The following SLC30A8 variants were observed in gnomAD, a reference collection of about 807,000 sequenced individuals.
SLC30A8 encodes the protein solute carrier family 30 member 8.
In SLC30A8, 27 loss-of-function variants were observed where a neutral mutation model predicts 36.9. The observed-to-expected ratio is 0.73, with a 90% CI of 0.54 to 1.01. SLC30A8 has a LOEUF of 1.01. SLC30A8 is among the 50% of genes least tolerant of loss of function. The pLI is 0.00. For missense variants in SLC30A8, 439 were observed against 452.0 expected (o/e 0.97, Z 0.26); for synonymous variants, 164 against 172.4 (o/e 0.95, Z 0.38).
intron 2 of SLC30A8, among the ~76,000 whole-genome samples, chr8:117,106,016 AG>A (rs1819978503): frequency 6.6e-6 from 1 of 151,928 alleles, no homozygotes; most frequent in South Asian, 2.1e-4. Context: ...CTTTTTTTTC[AG>A]TTGCAGCTCT....
intron 4 of SLC30A8, 43 bp from the exon 5 acceptor site, chr8:117,161,695 A>C (rs753966326): frequency 1.3e-6 from 2 of 1,563,778 alleles, no homozygotes; most frequent in Non-Finnish European, 8.7e-7. Flanking sequence ...TACGTTTTTA[A>C]GACTGACCTC....
At chr8:116,984,794 T>C (rs1416080532) in intron 1 of SLC30A8, among the ~76,000 whole-genome samples, 1 of 152,122 alleles carries the variant, frequency 6.6e-6, no homozygotes, top group Non-Finnish European at 1.5e-5. Flanking sequence ...ATTTTCTCCA[T>C]GTCTGTAGCT....
intron 2 of SLC30A8, among the ~76,000 whole-genome samples, chr8:117,054,999 T>C (rs999338911): frequency 2.6e-5 from 4 of 152,210 alleles, no homozygotes; most frequent in African/African-American, 9.7e-5. Flanking sequence ...ATCTTGCAAC[T>C]CAGTAGCTGT....
At chr8:117,040,629 A>G (rs1358840944) in intron 2 of SLC30A8, among the ~76,000 whole-genome samples, 4 of 152,248 alleles carry the variant, frequency 2.6e-5, no homozygotes, top group African/African-American at 9.6e-5. Flanking sequence ...CCAAGTAAAT[A>G]CAGGATCAAA....
chr8:117,016,983 T>C (rs370479346), intron 1 of SLC30A8, among the ~76,000 whole-genome samples: 133 of 152,222 alleles, frequency 8.7e-4, no homozygotes, highest in African/African-American at 3.0e-3. Flanking sequence ...GTTTAAGGTA[T>C]AGTAAGGTGG....
chr8:117,136,917 C>G (rs969644935), intron 1 of SLC30A8, among the ~76,000 whole-genome samples: 20 of 151,948 alleles, frequency 1.3e-4, no homozygotes, highest in African/African-American at 4.3e-4. Flanking sequence ...ATTTTCTTGT[C>G]AAGGGAAATA....
At chr8:117,137,224 C>T (rs1248281108) in intron 1 of SLC30A8, among the ~76,000 whole-genome samples, 1 of 151,918 alleles carries the variant, frequency 6.6e-6, no homozygotes, top group African/African-American at 2.4e-5. Flanking sequence ...TCACTTCTTC[C>T]CCCACCTCTA....
At position 117,147,070 on chromosome 8, in the gene SLC30A8, G is replaced by A. The variant is rs150548337; in HGVS notation, c.188G>A (p.Gly63Glu). The A allele has an allele frequency of 5.3e-5, 86 of 1,614,118 alleles. 1 individual carries two copies. The African/African-American group carries it at 1.1e-3, about 20-fold the overall frequency. Reference sequence around the variant, plus strand: ...AGTGGCTCCAAGCCCACAGAAAAGGGGGCGAATGAGTACGCCTATGCCAAG... The same window carrying A: ...AGTGGCTCCAAGCCCACAGAAAAGGAGGCGAATGAGTACGCCTATGCCAAG... ...CHSGSKPTEK[G>E]ANEYAYAKWK... The change falls in exon 2 of 8, where the codon GGG becomes GAG. Residue 63 changes from glycine to glutamate, a missense_variant. Transcript: ENST00000456015.
At chr8:117,051,040 C>A (rs1817691147) in intron 2 of SLC30A8, among the ~76,000 whole-genome samples, 1 of 152,018 alleles carries the variant, frequency 6.6e-6, no homozygotes, top group Non-Finnish European at 1.5e-5. Flanking sequence ...ATATTCTGGT[C>A]AAATAAGAGT....
intron 2 of SLC30A8, among the ~76,000 whole-genome samples, chr8:117,113,550 G>T (rs1001900238): frequency 3.9e-5 from 6 of 152,094 alleles, no homozygotes; most frequent in African/African-American, 1.4e-4. Context: ...GCATTGCCCA[G>T]GAACTGGAAT....
intron 1 of SLC30A8, among the ~76,000 whole-genome samples, chr8:117,000,030 T>C (rs956246314): frequency 6.6e-6 from 1 of 152,174 alleles, no homozygotes; most frequent in Non-Finnish European, 1.5e-5. Context: ...AATCTGGTCC[T>C]TTGAGGACGT....
chr8:117,030,973 T>C (rs1489403173), intron 1 of SLC30A8, among the ~76,000 whole-genome samples: 1 of 152,138 alleles, frequency 6.6e-6, no homozygotes, highest in Non-Finnish European at 1.5e-5. Context: ...GAACTAGATA[T>C]CATAGATGTT....
chr8:116,965,938 C>G (rs1254805623), intron 1 of SLC30A8, among the ~76,000 whole-genome samples: 2 of 146,232 alleles, frequency 1.4e-5, no homozygotes. Context: ...GGCTGGGGTG[C>G]AGTGGCGTGA....
At chr8:117,134,859 T>C (rs1821284834), upstream of SLC30A8, 1 of 152,150 alleles carries the variant, frequency 6.6e-6, no homozygotes, top group African/African-American at 2.4e-5. Flanking sequence ...AGAAATAATT[T>C]TAGGCTGATA....
chr8:117,023,426 G>A (rs1201263841), intron 1 of SLC30A8, among the ~76,000 whole-genome samples: 1 of 152,184 alleles, frequency 6.6e-6, no homozygotes, highest in African/African-American at 2.4e-5. Context: ...GCACACATTT[G>A]TTTATTGTGG....
At chr8:117,023,039 CAACCCCATCAACA>C in intron 1 of SLC30A8, among the ~76,000 whole-genome samples, 1 of 152,194 alleles carries the variant, frequency 6.6e-6, no homozygotes, top group South Asian at 2.1e-4. Flanking sequence ...AGAAAAAAAA[CAACCCCATCAACA>C]AGTGGGTGAA....
intron 2 of SLC30A8, among the ~76,000 whole-genome samples, chr8:117,105,953 C>T (rs376828831): frequency 1.4e-4 from 22 of 152,254 alleles, no homozygotes; most frequent in African/African-American, 3.8e-4. Context: ...TCTAACTTCA[C>T]GAAGAATAGA....
chr8:116,990,583 G>T (rs1815602420), intron 1 of SLC30A8, among the ~76,000 whole-genome samples: 1 of 152,046 alleles, frequency 6.6e-6, no homozygotes, highest in African/African-American at 2.4e-5. Context: ...GAAAGAGTGA[G>T]AAATATCAGA....
At chr8:116,968,779 C>T (rs1447845736) in intron 1 of SLC30A8, among the ~76,000 whole-genome samples, 2 of 151,840 alleles carry the variant, frequency 1.3e-5, no homozygotes, top group South Asian at 2.1e-4. Context: ...GTTCTGTCAC[C>T]AGGCTGGAGT....
Sources: gnomAD v4.1 joint callset for allele counts (sites outside exome capture counted in the v4.1 genomes callset) on GRCh38, gnomAD v4.1.1 for gene constraint, MANE v1.5 for transcripts, NCBI Gene and HGNC (gene_info 2026-07-23, HGNC 2026-07-21) for gene names.